KLHL1: variants seen among roughly 807,000 people sequenced by gnomAD.
KLHL1 encodes kelch-like protein 1.
In KLHL1, 47 loss-of-function variants were observed where a neutral mutation model predicts 77.7. The observed-to-expected ratio is 0.60, with a 90% CI of 0.48 to 0.77. The LOEUF (loss-of-function observed/expected upper bound fraction) is 0.77. KLHL1 is among the 30% of genes least tolerant of loss of function. KLHL1 has a pLI of 0.00. For missense variants in KLHL1, 925 were observed against 910.8 expected (o/e 1.02, Z -0.20); for synonymous variants, 360 against 325.2 (o/e 1.11, Z -1.15).
rs182165887 is a variant in KLHL1 at position 69,823,818 on chromosome 13, T to C, written c.1414+15158A>G. Among the ~76,000 whole-genome samples, 898 of 151,138 alleles carry C rather than the reference T, an allele frequency of 5.9e-3. 11 individuals carry two copies. Among genetic ancestry groups the C allele is most frequent in the African/African-American group, 0.02 (807 of 41,380 alleles). On this transcript the variant is annotated intron_variant, in intron 6 of 10. Coordinates refer to ENST00000377844, the MANE Select transcript of KLHL1 (RefSeq NM_020866.3). ...GTATCTCTGTAATCATTGAAATTTT[T>C]TCTCTCTCTCTCTCTTATGGTTGGA...
Position 69,977,125 on chromosome 13 carries a change from G to A in KLHL1, c.498-1323C>T, listed in dbSNP as rs570483432. ...GAAAAGACATTCTTATATGGACTCT[G>A]TGATTTCTTATACACAATGCCTGGC... On this transcript the variant is annotated intron_variant, in intron 1 of 10. Transcript: ENST00000377844. Among the ~76,000 whole-genome samples the A allele has an allele frequency of 2.0e-5, 3 of 152,160 alleles. No individual in the cohort carries two copies. The South Asian group carries it at 6.2e-4, about 32-fold the overall frequency.
At chr13:70,099,907 TCTTATA>T (rs1333589618) in intron 1 of KLHL1, among the ~76,000 whole-genome samples, 7 of 152,032 alleles carry the variant, frequency 4.6e-5, no homozygotes, top group African/African-American at 1.2e-4. Context: ...ATTTATGTAT[TCTTATA>T]CTTATATAGC....
At chr13:69,979,607 C>T (rs1290541495) in intron 1 of KLHL1, among the ~76,000 whole-genome samples, 3 of 151,856 alleles carry the variant, frequency 2.0e-5, no homozygotes, top group Non-Finnish European at 2.9e-5. Context: ...TTGTTTTGTC[C>T]GATTTTGTAC....
chr13:69,774,659 TTAA>T (rs1419730306), intron 7 of KLHL1, among the ~76,000 whole-genome samples: 1 of 141,576 alleles, frequency 7.1e-6, no homozygotes, highest in African/African-American at 2.5e-5. Context: ...TTGCCTTCAC[TTAA>T]TAAAAAAAAA....
intron 1 of KLHL1, among the ~76,000 whole-genome samples, chr13:70,081,090 C>T (rs1273436702): frequency 6.6e-6 from 1 of 152,086 alleles, no homozygotes; most frequent in Non-Finnish European, 1.5e-5. Context: ...TTAAAACACA[C>T]ATTTGATTTA....
chr13:69,706,503 T>A (rs868306399), intron 10 of KLHL1, among the ~76,000 whole-genome samples: 3 of 151,972 alleles, frequency 2.0e-5, no homozygotes, highest in African/African-American at 7.2e-5. Context: ...AAATGTACTT[T>A]AATCAGGTGT....
intron 1 of KLHL1, among the ~76,000 whole-genome samples, chr13:70,001,375 T>C (rs973391377): frequency 3.3e-5 from 5 of 151,024 alleles, no homozygotes; most frequent in Admixed American, 6.6e-5. Flanking sequence ...AGAAAAAAAA[T>C]AGAAGTATTT....
intron 1 of KLHL1, among the ~76,000 whole-genome samples, chr13:70,101,287 C>T (rs544456949): frequency 1.3e-5 from 2 of 152,020 alleles, no homozygotes; most frequent in South Asian, 4.2e-4. Context: ...TAGCATGTTT[C>T]ATTGTTGTAA....
At chr13:70,042,030 A>T (rs981013577) in intron 1 of KLHL1, among the ~76,000 whole-genome samples, 1 of 151,992 alleles carries the variant, frequency 6.6e-6, no homozygotes, top group African/African-American at 2.4e-5. Context: ...GTCTTGTTAG[A>T]CTTTCTCATT....
chr13:69,776,377 T>A (rs1296912553), intron 7 of KLHL1, among the ~76,000 whole-genome samples: 1 of 152,144 alleles, frequency 6.6e-6, no homozygotes, highest in Non-Finnish European at 1.5e-5. Flanking sequence ...CTGCAGAGAA[T>A]TCTAGAACAA....
At chr13:69,758,961 C>T (rs1446032947) in intron 7 of KLHL1, among the ~76,000 whole-genome samples, 1 of 152,020 alleles carries the variant, frequency 6.6e-6, no homozygotes, top group African/African-American at 2.4e-5. Flanking sequence ...AGGTACCCTC[C>T]CTAATGTTCC....
chr13:70,086,071 A>C (rs1156728605), intron 1 of KLHL1, among the ~76,000 whole-genome samples: 1 of 152,194 alleles, frequency 6.6e-6, no homozygotes. Context: ...CCATATTACT[A>C]TTCCCATCTT....
chr13:69,961,781 T>A (rs1237591455), intron 2 of KLHL1, among the ~76,000 whole-genome samples: 1 of 151,626 alleles, frequency 6.6e-6, no homozygotes, highest in Non-Finnish European at 1.5e-5. Flanking sequence ...CTATCGTGAA[T>A]TTGAACGCAT....
intron 2 of KLHL1, among the ~76,000 whole-genome samples, chr13:69,970,346 G>A (rs976808948): frequency 6.6e-6 from 1 of 152,028 alleles, no homozygotes; most frequent in African/African-American, 2.4e-5. Flanking sequence ...TTCCAGAGTC[G>A]AATTTATGAA....
intron 5 of KLHL1, among the ~76,000 whole-genome samples, chr13:69,875,561 A>G (rs1199727547): frequency 1.3e-5 from 2 of 152,144 alleles, no homozygotes; most frequent in South Asian, 2.1e-4. Flanking sequence ...ATTTTTTGCT[A>G]TACCAAAGAG....
chr13:69,766,148 A>G (rs1399459938), intron 7 of KLHL1, among the ~76,000 whole-genome samples: 1 of 152,162 alleles, frequency 6.6e-6, no homozygotes, highest in African/African-American at 2.4e-5. Context: ...CATGAATTTA[A>G]CATTTCCTAT....
intron 4 of KLHL1, among the ~76,000 whole-genome samples, chr13:69,883,372 G>T (rs1288616356): frequency 6.6e-6 from 1 of 152,008 alleles, no homozygotes; most frequent in African/African-American, 2.4e-5. Context: ...TACTTAAAAT[G>T]ACTTTTATCA....
chr13:69,927,607 A>T (rs1455481191), intron 4 of KLHL1, among the ~76,000 whole-genome samples: 1 of 152,206 alleles, frequency 6.6e-6, no homozygotes, highest in East Asian at 1.9e-4. Flanking sequence ...TCTAAGCAAC[A>T]TTTCTCCAAA....
At chr13:69,898,809 A>T (rs2138222425) in intron 4 of KLHL1, among the ~76,000 whole-genome samples, 1 of 152,200 alleles carries the variant, frequency 6.6e-6, no homozygotes, top group South Asian at 2.1e-4. Context: ...TTTCTATTCA[A>T]TGCCACATGT....
Sources: gnomAD v4.1 joint callset for allele counts (sites outside exome capture counted in the v4.1 genomes callset) on GRCh38, gnomAD v4.1.1 for gene constraint, MANE v1.5 for transcripts, NCBI Gene and HGNC (gene_info 2026-07-23, HGNC 2026-07-21) for gene names.